DIAPH2: variants seen among roughly 807,000 people sequenced by gnomAD.
DIAPH2 encodes protein diaphanous homolog 2.
Under a neutral mutation model 92.7 loss-of-function variants are expected in DIAPH2, and 35 were observed. That is an observed-to-expected ratio of 0.38 (90% CI 0.29 to 0.50). The LOEUF is 0.50. Ranked by LOEUF, DIAPH2 falls within the 20% of genes least tolerant of loss-of-function variation. DIAPH2 has a pLI of 0.94. For missense variants in DIAPH2, 701 were observed against 819.5 expected (o/e 0.86, Z 1.77); for synonymous variants, 301 against 280.4 (o/e 1.07, Z -0.73).
intron 23 of DIAPH2, among the ~76,000 whole-genome samples, chrX:97,267,221 A>G (rs1271269529): frequency 2.7e-5 from 3 of 111,849 alleles, no homozygotes; most frequent in Non-Finnish European, 5.6e-5. Context: ...AAGAATCTGC[A>G]AAAAGTTTCT....
intron 26 of DIAPH2, among the ~76,000 whole-genome samples, chrX:97,465,680 C>G (rs145818326): frequency 0.011 from 1,233 of 111,207 alleles, 11 homozygotes; most frequent in African/African-American, 0.038. Context: ...CCAAACCAAC[C>G]GGAATTTTGT....
At position 97,105,878 on chromosome X, in the gene DIAPH2, G is replaced by T. The variant is rs765251767; in HGVS notation, c.2349+6083G>T. 8.9e-5 allele frequency among the ~76,000 whole-genome samples: 10 copies of T among 112,125 alleles called. No homozygotes were observed. In the South Asian group the frequency reaches 3.7e-3, roughly 42 times the overall value. ...TCATAATAGGAAGCACAGATGATGTGATATTGCGGACAGCACATTTAAATT... is the reference window on the plus strand; with the variant it reads ...TCATAATAGGAAGCACAGATGATGTTATATTGCGGACAGCACATTTAAATT... On this transcript the variant is annotated intron_variant, in intron 20 of 26. Coordinates refer to ENST00000324765, the MANE Select transcript of DIAPH2 (RefSeq NM_006729.5).
Position 96,897,400 on chromosome X carries a change from C to CT in DIAPH2, c.588-14918dup, listed in dbSNP as rs376863187. On this transcript the variant is annotated intron_variant, in intron 5 of 26. Transcript: ENST00000324765. ...GAAGTTGCAATGAATTTATAGATAG[C>CT]TTTTTTTTTTCAAACAGGTCTTAGT... Among the ~76,000 whole-genome samples the CT allele has an allele frequency of 7.5e-3, 798 of 106,171 alleles. 9 individuals are homozygous for CT. The highest frequency in any genetic ancestry group is 0.026 in the African/African-American group (755 of 29,311). The allele number at this position is 106,171 out of a possible 115,157, so 92.2% of individuals were successfully genotyped here. A position where few individuals can be genotyped will look rare whatever the true frequency, so the allele number is the denominator to read the frequency against.
intron 25 of DIAPH2, among the ~76,000 whole-genome samples, chrX:97,427,787 A>G (rs1288617287): frequency 1.8e-5 from 2 of 110,558 alleles, no homozygotes; most frequent in African/African-American, 6.6e-5. Flanking sequence ...TTCAAGTTCA[A>G]GTGATTCTCC....
intron 17 of DIAPH2, among the ~76,000 whole-genome samples, chrX:97,032,977 A>C (rs1405650340): frequency 2.7e-5 from 3 of 111,347 alleles, no homozygotes; most frequent in African/African-American, 9.8e-5. Context: ...TATAATTCTA[A>C]GTAAGACAGT....
At chrX:97,313,237 TG>T (rs2068812269) in intron 23 of DIAPH2, among the ~76,000 whole-genome samples, 2 of 111,455 alleles carry the variant, frequency 1.8e-5, no homozygotes, top group African/African-American at 6.5e-5. Flanking sequence ...TGTATACTAG[TG>T]GTCACAAGTG....
chrX:97,166,723 C>T (rs190438392), intron 22 of DIAPH2, among the ~76,000 whole-genome samples: 58 of 111,577 alleles, frequency 5.2e-4, no homozygotes, highest in African/African-American at 1.8e-3. Context: ...TAAAATCCCA[C>T]GAACTTAGCA....
At chrX:97,121,485 G>A (rs1290309239) in intron 21 of DIAPH2, among the ~76,000 whole-genome samples, 1 of 111,873 alleles carries the variant, frequency 8.9e-6, no homozygotes, top group Non-Finnish European at 1.9e-5. Context: ...TATTATATGT[G>A]AAGCTCTCAA....
At chrX:97,272,098 A>C (rs1198044058) in intron 23 of DIAPH2, among the ~76,000 whole-genome samples, 2 of 110,563 alleles carry the variant, frequency 1.8e-5, no homozygotes, top group Admixed American at 1.9e-4. Context: ...TCCCGGGTTC[A>C]AGCGATTCTC....
chrX:97,137,297 A>ATATATATATG (rs2067179259), intron 21 of DIAPH2, among the ~76,000 whole-genome samples: 2 of 97,807 alleles, frequency 2.0e-5, no homozygotes, highest in East Asian at 6.3e-4. Context: ...ATATATATAT[A>ATATATATATG]TATATGTATA....
chrX:97,096,829 A>G (rs2066872693), intron 19 of DIAPH2, among the ~76,000 whole-genome samples: 1 of 111,345 alleles, frequency 9.0e-6, no homozygotes, highest in Non-Finnish European at 1.9e-5. Flanking sequence ...TGCACTCAGA[A>G]TCACCCTAAC....
rs995186005 is a variant in DIAPH2, at chrX:96,790,755, A to T, written c.447+32497A>T. ...AAATGAAAGGGCTATTGACAGTGAG[A>T]TGTGACAGCTAACAGGAGAAGGAGG... On this transcript the variant is annotated intron_variant, in intron 4 of 26. Coordinates refer to ENST00000324765, the MANE Select transcript of DIAPH2 (RefSeq NM_006729.5). 1.1e-4 allele frequency among the ~76,000 whole-genome samples: 12 copies of T among 111,894 alleles called. No homozygotes were observed. In the Admixed American group the frequency reaches 1.1e-3, roughly 11 times the overall value.
intron 25 of DIAPH2, among the ~76,000 whole-genome samples, chrX:97,426,080 A>T (rs1163658293): frequency 1.8e-5 from 2 of 110,278 alleles, no homozygotes; most frequent in African/African-American, 3.3e-5. Flanking sequence ...TCTTAGATAT[A>T]TAAAATAGAT....
chrX:97,591,318 ATAGT>A (rs2071515534), intron 26 of DIAPH2, among the ~76,000 whole-genome samples: 1 of 111,997 alleles, frequency 8.9e-6, no homozygotes, highest in African/African-American at 3.2e-5. Flanking sequence ...AAGAGACAAT[ATAGT>A]TAGTTTCATG....
intron 4 of DIAPH2, among the ~76,000 whole-genome samples, chrX:96,848,291 A>G (rs982866218): frequency 1.8e-5 from 2 of 111,628 alleles, no homozygotes; most frequent in Non-Finnish European, 3.8e-5. Flanking sequence ...TCCTCCCGCC[A>G]TGGCCTCCCA....
chrX:96,686,299 T>C (rs1038556689), intron 1 of DIAPH2, among the ~76,000 whole-genome samples: 3 of 111,807 alleles, frequency 2.7e-5, no homozygotes, highest in Non-Finnish European at 5.6e-5. Context: ...TAATCAGTGA[T>C]TAAAAATTTA....
At chrX:97,570,117 T>G (rs756064449) in intron 26 of DIAPH2, among the ~76,000 whole-genome samples, 790 of 26,309 alleles carry the variant, frequency 0.03, 42 homozygotes, top group African/African-American at 0.077. Context: ...TATATATATA[T>G]ATATATTAGA....
intron 26 of DIAPH2, among the ~76,000 whole-genome samples, chrX:97,499,902 T>C (rs756642359): frequency 4.4e-5 from 5 of 112,533 alleles, no homozygotes; most frequent in Non-Finnish European, 7.5e-5. Flanking sequence ...CCTTGCTCTC[T>C]TACCAACTGG....
At chrX:96,931,881 A>G (rs912323250) in intron 10 of DIAPH2, among the ~76,000 whole-genome samples, 1 of 111,360 alleles carries the variant, frequency 9.0e-6, no homozygotes, top group East Asian at 2.8e-4. Context: ...TTCTATGTCA[A>G]TCCCACCTGA....
Sources: allele counts gnomAD v4.1 joint callset (sites outside exome capture counted in the v4.1 genomes callset), GRCh38; gene constraint gnomAD v4.1.1; transcripts MANE v1.5; gene names NCBI Gene and HGNC (gene_info 2026-07-23, HGNC 2026-07-21).